Variants in KHDRBS2 observed in about 807,000 individuals in gnomAD.
The protein encoded by KHDRBS2 is KH RNA binding domain containing, signal transduction associated 2, also known as KH domain-containing, RNA-binding, signal transduction-associated protein 2.
In KHDRBS2, 26 loss-of-function variants were observed where a neutral mutation model predicts 44.3. The observed-to-expected ratio is 0.59, with a 90% CI of 0.43 to 0.81. The LOEUF is 0.81. Among genes scored for constraint, KHDRBS2 ranks in the 40% least tolerant of loss-of-function variants. KHDRBS2 has a pLI of 0.00. For missense variants in KHDRBS2, 476 were observed against 433.1 expected (o/e 1.10, Z -0.88); for synonymous variants, 194 against 151.1 (o/e 1.28, Z -2.08).
chr6:61,954,354 T>TATGCATGCATATATACGTATGTATGC (rs1218951203), intron 4 of KHDRBS2, among the ~76,000 whole-genome samples: 3 of 86,516 alleles, frequency 3.5e-5, no homozygotes, highest in Admixed American at 1.2e-4. Flanking sequence ...TATACATATG[T>TATGCATGCATATATACGTATGTATGC]ATGCATACAT....
rs368617674 is a variant in KHDRBS2 at position 62,285,864 on chromosome 6, C to T, written c.85G>A (p.Ala29Thr). The T allele has an allele frequency of 6.8e-6, 11 of 1,612,134 alleles. No individual in the cohort carries two copies. The highest frequency in any genetic ancestry group is 1.7e-4 in the Middle Eastern group (1 of 6,056). ...CTGTGGGGGCAAGTCCTACCTTCTG[C>T]CAAAAGGCGCGACGCATGCACAAAA... ...PSFVHASRLLAEEIEKFQGSD... is the reference protein window; with the variant it reads ...PSFVHASRLLTEEIEKFQGSD... The change falls in exon 1 of 9, where the codon GCA (alanine) becomes ACA (threonine). Residue 29 changes from alanine (A) to threonine (T), a missense_variant. Physicochemically the swap from Ala to Thr is moderately conservative, Grantham distance 58. Coordinates refer to ENST00000281156, the MANE Select transcript of KHDRBS2 (RefSeq NM_152688.4).
At chr6:61,888,068 T>G (rs1304289948) in intron 6 of KHDRBS2, among the ~76,000 whole-genome samples, 1 of 152,220 alleles carries the variant, frequency 6.6e-6, no homozygotes, top group Non-Finnish European at 1.5e-5. Context: ...CTATTATCAA[T>G]AGTATGTTCT....
At chr6:61,942,017 G>T (rs527770269) in intron 4 of KHDRBS2, among the ~76,000 whole-genome samples, 1 of 151,976 alleles carries the variant, frequency 6.6e-6, no homozygotes, top group African/African-American at 2.4e-5. Flanking sequence ...CTGGAGTGCA[G>T]TTGGTATGTA....
At chr6:62,140,037 A>T (rs1812454345) in intron 2 of KHDRBS2, among the ~76,000 whole-genome samples, 1 of 152,114 alleles carries the variant, frequency 6.6e-6, no homozygotes, top group Non-Finnish European at 1.5e-5. Context: ...AAATAACCTA[A>T]ACCCTATGGT....
intron 6 of KHDRBS2, among the ~76,000 whole-genome samples, chr6:61,803,665 C>T (rs192079426): frequency 3.3e-4 from 50 of 152,146 alleles, no homozygotes; most frequent in African/African-American, 1.1e-3. Context: ...ATGCTCAAGA[C>T]TGGGTAATTT....
chr6:61,855,701 A>G (rs1440522855), intron 6 of KHDRBS2, among the ~76,000 whole-genome samples: 1 of 151,906 alleles, frequency 6.6e-6, no homozygotes, highest in Non-Finnish European at 1.5e-5. Context: ...CCACATAGAC[A>G]TAACCCAGAG....
chr6:61,891,598 A>T (rs1801855047), intron 6 of KHDRBS2, among the ~76,000 whole-genome samples: 1 of 152,170 alleles, frequency 6.6e-6, no homozygotes, highest in African/African-American at 2.4e-5. Context: ...GGTTCAACAT[A>T]AGCAAATCAA....
At chr6:61,572,777 G>T in the KHDRBS2 span, among the ~76,000 whole-genome samples, 4 of 152,080 alleles carry the variant, frequency 2.6e-5, no homozygotes, top group African/African-American at 9.7e-5. Context: ...ATACCTTTAT[G>T]ATTAAAGCCC....
chr6:61,865,422 G>A lies in KHDRBS2; in HGVS notation c.810+29213C>T, dbSNP rs1213374242. On this transcript the variant is annotated intron_variant, in intron 6 of 8. Transcript: ENST00000281156. ...TCATGTCTTATATGGATAGCAGCAGGCAAAAAGAGAAAGCTTGAGCAGGGG... is the reference window on the plus strand; with the variant it reads ...TCATGTCTTATATGGATAGCAGCAGACAAAAAGAGAAAGCTTGAGCAGGGG... Among the ~76,000 whole-genome samples the A allele has an allele frequency of 2.6e-5, 4 of 152,060 alleles. No individual in the cohort carries two copies. In the South Asian group the frequency reaches 8.3e-4, roughly 32 times the overall value.
intron 6 of KHDRBS2, among the ~76,000 whole-genome samples, chr6:61,868,652 T>G (rs1798134161): frequency 6.6e-6 from 1 of 151,938 alleles, no homozygotes; most frequent in African/African-American, 2.4e-5. Context: ...CCCTTCCTCA[T>G]CCAGGCCATT....
intron 6 of KHDRBS2, among the ~76,000 whole-genome samples, chr6:61,751,884 G>A (rs549930157): frequency 7.5e-6 from 1 of 134,072 alleles, no homozygotes; most frequent in South Asian, 2.3e-4. Context: ...TCCTCAGCTT[G>A]CAAATGGCTG....
intron 2 of KHDRBS2, among the ~76,000 whole-genome samples, chr6:62,171,610 C>T (rs1366982085): frequency 6.6e-6 from 1 of 151,792 alleles, no homozygotes; most frequent in Non-Finnish European, 1.5e-5. Context: ...AGAAGATGAC[C>T]ATCCCCAAGA....
At chr6:61,592,188 CAAAAA>C in the KHDRBS2 span, among the ~76,000 whole-genome samples, 182 of 122,262 alleles carry the variant, frequency 1.5e-3, no homozygotes, top group South Asian at 2.5e-3. Flanking sequence ...AAGATCCCAC[CAAAAA>C]AAAAAAAAAA....
chr6:62,009,766 T>C (rs1377548740), intron 3 of KHDRBS2, among the ~76,000 whole-genome samples: 1 of 152,154 alleles, frequency 6.6e-6, no homozygotes, highest in South Asian at 2.1e-4. Context: ...GCAGCTTCCA[T>C]GTGGTGTTGG....
chr6:61,818,955 G>A (rs1472221788), intron 6 of KHDRBS2, among the ~76,000 whole-genome samples: 8 of 151,858 alleles, frequency 5.3e-5, no homozygotes, highest in Non-Finnish European at 8.8e-5. Flanking sequence ...TAGGAATTGC[G>A]TTTTTGGAGC....
chr6:61,798,469 G>A (rs1385682562), intron 6 of KHDRBS2, among the ~76,000 whole-genome samples: 1 of 152,084 alleles, frequency 6.6e-6, no homozygotes, highest in African/African-American at 2.4e-5. Context: ...GTCACGGTCA[G>A]TTTGGTTAAA....
At chr6:61,797,088 A>G (rs1198980021) in intron 6 of KHDRBS2, among the ~76,000 whole-genome samples, 1 of 152,150 alleles carries the variant, frequency 6.6e-6, no homozygotes, top group Non-Finnish European at 1.5e-5. Context: ...TTTCAGATGT[A>G]TTCTTAAGAA....
chr6:61,910,784 A>G (rs1188469877), intron 4 of KHDRBS2, among the ~76,000 whole-genome samples: 1 of 152,192 alleles, frequency 6.6e-6, no homozygotes, highest in African/African-American at 2.4e-5. Context: ...TAGTAGATAA[A>G]TGTTTAGATA....
In KHDRBS2 at chr6:62,173,239, C is replaced by A. The variant is rs1368052935; in HGVS notation, c.219+3946G>T. On this transcript the variant is annotated intron_variant, in intron 2 of 8. Coordinates refer to ENST00000281156, the MANE Select transcript of KHDRBS2 (RefSeq NM_152688.4). Reference sequence around the variant, plus strand: ...GATCCAAGTAAACATAAACAAATAACAAAGGGGACGTTACCACTTTAGGGA... The same window carrying A: ...GATCCAAGTAAACATAAACAAATAAAAAAGGGGACGTTACCACTTTAGGGA... Among the ~76,000 whole-genome samples the A allele has an allele frequency of 6.0e-5, 9 of 149,288 alleles. No homozygotes were observed. In the South Asian group the frequency reaches 6.3e-4, roughly 10 times the overall value.
Sources: gnomAD v4.1 joint callset for allele counts (sites outside exome capture counted in the v4.1 genomes callset) on GRCh38, gnomAD v4.1.1 for gene constraint, MANE v1.5 for transcripts, NCBI Gene and HGNC (gene_info 2026-07-23, HGNC 2026-07-21) for gene names.